TLCD3A: variants seen among roughly 807,000 people sequenced by gnomAD.
TLCD3A encodes the protein TLC domain-containing protein 3A.
TLCD3A carries 17 observed loss-of-function variants against 29.9 expected under a neutral mutation model. That is an observed-to-expected ratio of 0.57 (90% CI 0.39 to 0.85). The LOEUF is 0.85. Ranked by LOEUF, TLCD3A falls within the 40% of genes least tolerant of loss-of-function variation. The probability of loss-of-function intolerance (pLI) is 0.00; values close to 1 mark genes in which losing one functional copy is unlikely to be tolerated. For missense variants in TLCD3A, 332 were observed against 350.8 expected (o/e 0.95, Z 0.43); for synonymous variants, 143 against 147.7 (o/e 0.97, Z 0.23).
At chr17:736,883 T>C (rs1404621097) in intron 2 of TLCD3A, among the ~76,000 whole-genome samples, 2 of 152,168 alleles carry the variant, frequency 1.3e-5, no homozygotes, top group African/African-American at 4.8e-5. Flanking sequence ...ATCGAACTGC[T>C]GACCTTGTGA....
intron 3 of TLCD3A, 47 bp downstream of exon 3, chr17:738,094 G>GT (rs200758501): frequency 1.3e-4 from 57 of 429,012 alleles, no homozygotes; most frequent in African/African-American, 5.1e-4. Flanking sequence ...TGAGCTGGGT[G>GT]TCTTTTTTTT....
rs962034521 is a variant in TLCD3A at position 741,747 on chromosome 17, G to A, written c.*177G>A. The A allele has an allele frequency of 2.5e-5, 19 of 755,884 alleles. No individual in the cohort carries two copies. Among genetic ancestry groups the A allele is most frequent in the Middle Eastern group, 3.9e-4 (1 of 2,588 alleles). 46.8% of individuals were successfully genotyped at this position (755,884 alleles called of 1,614,324 possible). ...CTTCTAACTTGCCCTATTTGCAAAA[G>A]CACTTTTGTAGTAACAACTATTGGG... On this transcript the variant is annotated 3_prime_UTR_variant, in exon 5 of 5. Transcript: ENST00000308278.
Position 742,376 on chromosome 17 carries a change from C to A in TLCD3A, c.*806C>A, listed in dbSNP as rs1487658539. 1 of 152,238 alleles carries A rather than the reference C, an allele frequency of 6.6e-6. No homozygotes were observed. The highest frequency in any genetic ancestry group is 1.5e-5 in the Non-Finnish European group (1 of 68,060). The allele number at this position is 152,238 out of a possible 1,614,324, so 9.4% of individuals were successfully genotyped here. A position where few individuals can be genotyped will look rare whatever the true frequency, so the allele number is the denominator to read the frequency against. On this transcript the variant is annotated 3_prime_UTR_variant, in exon 5 of 5. Coordinates refer to ENST00000308278, the MANE Select transcript of TLCD3A (RefSeq NM_024792.3). ...CCCATATCCACATGCAGAGGGCGAG[C>A]TCATAAAACTACAGGGAAGCGTGAA...
At position 732,768 on chromosome 17, in the gene TLCD3A, A is replaced by G; in HGVS notation, c.121A>G (p.Arg41Gly). ...SRTDCVMIST[R>G]LVSSVHAVLA... ...CACCGACTGCGTGATGATCAGCACC[A>G]GGTACCGGCGCCGCCGAGACGCCCC... The change falls in exon 1 of 5, where the codon AGG becomes GGG. Residue 41 changes from arginine (R) to glycine (G), a missense_variant and splice_region_variant. Transcript: ENST00000308278. The G allele has an allele frequency of 1.4e-6, 2 of 1,449,734 alleles. No homozygotes were observed. Among genetic ancestry groups the G allele is most frequent in the South Asian group, 1.3e-5 (1 of 75,550 alleles). The allele number at this position is 1,449,734 out of a possible 1,614,324, so 89.8% of individuals were successfully genotyped here.
At position 738,050 on chromosome 17, in the gene TLCD3A, A is replaced by G. The variant is rs1312286497; in HGVS notation, c.408+3A>G. 6.9e-7 allele frequency: 1 copy of G among 1,443,638 alleles called. No homozygotes were observed. The highest frequency in any genetic ancestry group is 3.1e-5 in the East Asian group (1 of 32,474). 89.4% of individuals were successfully genotyped at this position (1,443,638 alleles called of 1,614,324 possible). A position where few individuals can be genotyped will look rare whatever the true frequency, so the allele number is the denominator to read the frequency against. On this transcript the variant is annotated splice_donor_region_variant and intron_variant, in intron 3 of 4. Coordinates refer to ENST00000308278, the MANE Select transcript of TLCD3A (RefSeq NM_024792.3). ...TTGTCCTTGTGCCAGTCGCACAGGT[A>G]TGGCCTTCCAGGACAGCAGACCAGC...
chr17:740,355 C>T (rs973061296), intron 3 of TLCD3A, 150 bp from the exon 4 acceptor site: 3 of 659,842 alleles, frequency 4.5e-6, no homozygotes, highest in African/African-American at 3.7e-5. Flanking sequence ...AGTGCTGTTG[C>T]CACGGAAGCA....
intron 2 of TLCD3A, among the ~76,000 whole-genome samples, chr17:735,689 G>A (rs1974143390): frequency 6.6e-6 from 1 of 152,158 alleles, no homozygotes; most frequent in South Asian, 2.1e-4. Context: ...GCTAGGTCGG[G>A]TGCGGTGGCT....
intron 2 of TLCD3A, 145 bp downstream of exon 2, chr17:733,326 C>T (rs570062439): frequency 3.2e-4 from 233 of 734,162 alleles, no homozygotes; most frequent in Non-Finnish European, 4.4e-4. Flanking sequence ...CCGGAGTCTT[C>T]GGGCACCCCC....
intron 4 of TLCD3A, among the ~76,000 whole-genome samples, 162 bp from the exon 5 acceptor site, chr17:741,139 T>A (rs1437216311): frequency 2.0e-5 from 3 of 152,240 alleles, no homozygotes; most frequent in Non-Finnish European, 4.4e-5. Flanking sequence ...CTCCAAGTGT[T>A]AGAAAACTAG....
In TLCD3A at chr17:740,503, A is replaced by C; in HGVS notation, c.409-2A>C. 6.2e-7 allele frequency: 1 copy of C among 1,613,662 alleles called. No individual in the cohort carries two copies. Among genetic ancestry groups the C allele is most frequent in the African/African-American group, 1.3e-5 (1 of 75,032 alleles). On this transcript the variant is annotated splice_acceptor_variant, in intron 3 of 4. Coordinates refer to ENST00000308278, the MANE Select transcript of TLCD3A (RefSeq NM_024792.3). LOFTEE classifies it high-confidence loss of function. ...TTCCCCTTTTCGTTTCGTCATCCGC[A>C]GAGGCTCCGGGGAGACCTTGGGGAC...
chr17:735,655 A>T (rs1268696650), intron 2 of TLCD3A, among the ~76,000 whole-genome samples: 1 of 152,086 alleles, frequency 6.6e-6, no homozygotes, highest in African/African-American at 2.4e-5. Flanking sequence ...TAAGTATGGC[A>T]TCTTTTTGGC....
rs1213968536 is a variant in TLCD3A, at chr17:732,789, G to T, written c.122+20G>T. On this transcript the variant is annotated intron_variant, in intron 1 of 4. Transcript: ENST00000308278. ...CACCAGGTACCGGCGCCGCCGAGAC[G>T]CCCCCCGAGGCCCGGGGCGCTGCCC... 5.6e-6 allele frequency: 8 copies of T among 1,439,326 alleles called. No individual in the cohort carries two copies. The Admixed American group carries it at 1.0e-4, about 18-fold the overall frequency. The allele number at this position is 1,439,326 out of a possible 1,614,324, so 89.2% of individuals were successfully genotyped here.
chr17:732,945 G>T lies in TLCD3A; in HGVS notation c.123-153G>T, dbSNP rs1347186810. On this transcript the variant is annotated intron_variant, in intron 1 of 4. Transcript: ENST00000308278. ...CCGCGTCCTCCCCTGGCGGGAGCGGGGCCGGGGCGGGCGGGAATGGCCGAT... is the reference window on the plus strand; with the variant it reads ...CCGCGTCCTCCCCTGGCGGGAGCGGTGCCGGGGCGGGCGGGAATGGCCGAT... 1.2e-5 allele frequency: 17 copies of T among 1,396,302 alleles called. 1 individual carries two copies. In the South Asian group the frequency reaches 1.8e-4, roughly 15 times the overall value. The allele number at this position is 1,396,302 out of a possible 1,614,324, so 86.5% of individuals were successfully genotyped here.
intron 3 of TLCD3A, among the ~76,000 whole-genome samples, chr17:738,709 A>AACAAAGGC (rs1567770807): frequency 6.6e-6 from 1 of 152,126 alleles, no homozygotes; most frequent in Non-Finnish European, 1.5e-5. Context: ...GGAAGCTGGG[A>AACAAAGGC]ACACAGGCAC....
rs547153961 is a variant in TLCD3A at position 742,341 on chromosome 17, C to G, written c.*771C>G. On this transcript the variant is annotated 3_prime_UTR_variant, in exon 5 of 5. Coordinates refer to ENST00000308278, the MANE Select transcript of TLCD3A (RefSeq NM_024792.3). ...GTTCTTTTTCACACACCCCTTCATGCCCGGCTTTCCCCATATCCACATGCA... is the reference window on the plus strand; with the variant it reads ...GTTCTTTTTCACACACCCCTTCATGGCCGGCTTTCCCCATATCCACATGCA... 1 of 152,304 alleles carries G rather than the reference C, an allele frequency of 6.6e-6. No homozygotes were observed. Among genetic ancestry groups the G allele is most frequent in the Non-Finnish European group, 1.5e-5 (1 of 68,042 alleles). The allele number at this position is 152,304 out of a possible 1,614,324, so 9.4% of individuals were successfully genotyped here.
chr17:741,710 T>C lies in TLCD3A; in HGVS notation c.*140T>C, dbSNP rs1974258116. On this transcript the variant is annotated 3_prime_UTR_variant, in exon 5 of 5. Transcript: ENST00000308278. ...TTTGAGTTTTTCTAAAGAATATTCATATTACCTCCTTCTTCTAACTTGCCC... is the reference window on the plus strand; with the variant it reads ...TTTGAGTTTTTCTAAAGAATATTCACATTACCTCCTTCTTCTAACTTGCCC... 3 of 1,006,874 alleles carry C rather than the reference T, an allele frequency of 3.0e-6. No individual in the cohort carries two copies. In the South Asian group the frequency reaches 5.0e-5, roughly 17 times the overall value. 62.4% of individuals were successfully genotyped at this position (1,006,874 alleles called of 1,614,324 possible). A position where few individuals can be genotyped will look rare whatever the true frequency, so the allele number is the denominator to read the frequency against.
At chr17:733,022 C>A in intron 1 of TLCD3A, 76 bp from the exon 2 acceptor site, 1 of 1,147,976 alleles carries the variant, frequency 8.7e-7, no homozygotes, top group Non-Finnish European at 1.2e-6. Flanking sequence ...GAGAGTCAGG[C>A]CGAAGGGCCG....
intron 2 of TLCD3A, among the ~76,000 whole-genome samples, chr17:736,758 C>A (rs778297711): frequency 3.4e-5 from 5 of 148,638 alleles, no homozygotes; most frequent in African/African-American, 7.4e-5. Context: ...CAGATTCAAT[C>A]GATTCTCCTG....
chr17:741,047 G>A (rs1259921446), intron 4 of TLCD3A, among the ~76,000 whole-genome samples: 5 of 152,210 alleles, frequency 3.3e-5, no homozygotes, highest in Admixed American at 6.5e-5. Flanking sequence ...TCAGCTGGGT[G>A]GCCTGGGTCA....
Sources: gnomAD v4.1 joint callset for allele counts (sites outside exome capture counted in the v4.1 genomes callset) on GRCh38, gnomAD v4.1.1 for gene constraint, MANE v1.5 for transcripts, NCBI Gene and HGNC (gene_info 2026-07-23, HGNC 2026-07-21) for gene names.